Variants in GRIA1 observed in about 807,000 individuals in gnomAD.
The protein encoded by GRIA1 is glutamate ionotropic receptor AMPA type subunit 1.
In GRIA1, 31 loss-of-function variants were observed where a neutral mutation model predicts 99.2. The ratio of observed to expected loss-of-function variants is 0.31; its 90% CI spans 0.23 to 0.42. GRIA1 has a LOEUF of 0.42. GRIA1 is among the 10% of genes least tolerant of loss of function. The probability of loss-of-function intolerance (pLI) is 1.00; values close to 1 mark genes in which losing one functional copy is unlikely to be tolerated. For missense variants in GRIA1, 782 were observed against 1,157.5 expected, an observed-to-expected ratio of 0.68 and a Z score of 4.71; for synonymous variants, 438 against 432.4, an observed-to-expected ratio of 1.01 and a Z score of -0.16.
chr5:153,714,272 A>C (rs1463692116), intron 11 of GRIA1, among the ~76,000 whole-genome samples: 1 of 152,166 alleles, frequency 6.6e-6, no homozygotes, highest in Non-Finnish European at 1.5e-5. Context: ...GAGAGCCCTA[A>C]AAGAATGGTG....
intron 13 of GRIA1, among the ~76,000 whole-genome samples, chr5:153,775,675 A>G (rs1764181352): frequency 6.6e-6 from 1 of 151,962 alleles, no homozygotes; most frequent in South Asian, 2.1e-4. Flanking sequence ...TAAATAATGC[A>G]TCATCAAATA....
rs146547854 is a variant in GRIA1, at chr5:153,703,528, T to C, written c.1453-2169T>C. 5.7e-4 allele frequency among the ~76,000 whole-genome samples: 87 copies of C among 152,250 alleles called. 1 individual carries two copies. In the Middle Eastern group the frequency reaches 0.02, roughly 36 times the overall value. On this transcript the variant is annotated intron_variant, in intron 10 of 15. Transcript: ENST00000285900. Reference sequence around the variant, plus strand: ...GGGAGGCTAAGGCAGGCAGATCACTTGAGGCCAGGAGTTTGAGACCAGCTT... The same window carrying C: ...GGGAGGCTAAGGCAGGCAGATCACTCGAGGCCAGGAGTTTGAGACCAGCTT...
At chr5:153,755,590 G>C (rs1344277555) in intron 11 of GRIA1, 1 of 152,214 alleles carries the variant, frequency 6.6e-6, no homozygotes, top group Admixed American at 6.5e-5. Flanking sequence ...AGTTGGAGCA[G>C]GTCAAAACTC....
chr5:153,615,780 A>G (rs1197760217), intron 2 of GRIA1, among the ~76,000 whole-genome samples: 1 of 152,122 alleles, frequency 6.6e-6, no homozygotes, highest in Non-Finnish European at 1.5e-5. Context: ...AGATGATGGT[A>G]CCCTTCCTCA....
At chr5:153,745,499 G>A (rs1002272971) in intron 11 of GRIA1, among the ~76,000 whole-genome samples, 11 of 147,206 alleles carry the variant, frequency 7.5e-5, no homozygotes, top group Non-Finnish European at 1.6e-4. Flanking sequence ...TGAGGCAGGA[G>A]AATTGCTTGA....
At chr5:153,682,849 C>G (rs1216713954) in intron 7 of GRIA1, among the ~76,000 whole-genome samples, 1 of 152,178 alleles carries the variant, frequency 6.6e-6, no homozygotes, top group African/African-American at 2.4e-5. Flanking sequence ...TTTTCTTTAA[C>G]ACAGCTGAAG....
intron 2 of GRIA1, among the ~76,000 whole-genome samples, chr5:153,559,479 T>C (rs1760933424): frequency 6.6e-6 from 1 of 152,196 alleles, no homozygotes; most frequent in Non-Finnish European, 1.5e-5. Flanking sequence ...TTCAATGTTT[T>C]TGGGGACAAG....
At chr5:153,779,336 T>G (rs1024605679) in intron 13 of GRIA1, among the ~76,000 whole-genome samples, 3 of 152,208 alleles carry the variant, frequency 2.0e-5, no homozygotes, top group African/African-American at 7.2e-5. Flanking sequence ...ACAGCCCACC[T>G]TTGTGCTAAT....
At position 153,765,926 on chromosome 5, in the gene GRIA1, A is replaced by C. The variant is rs1379225464; in HGVS notation, c.2022+1294A>C. The stretch of plus-strand genomic sequence containing the variant: ...TAAGATCACACAGCTAATTAGTAGC[A>C]GAAGGAGCAGAGACAGCACGCTGCC... On this transcript the variant is annotated intron_variant, in intron 12 of 15. Coordinates refer to ENST00000285900, the MANE Select transcript of GRIA1 (RefSeq NM_000827.4). Among the ~76,000 whole-genome samples, 6 of 152,236 alleles carry C rather than the reference A, an allele frequency of 3.9e-5. No individual in the cohort carries two copies. In the South Asian group the frequency reaches 1.2e-3, roughly 32 times the overall value.
intron 2 of GRIA1, among the ~76,000 whole-genome samples, chr5:153,607,912 C>T (rs1209557309): frequency 1.3e-5 from 2 of 151,926 alleles, no homozygotes; most frequent in Admixed American, 1.3e-4. Flanking sequence ...GAATAATTTT[C>T]CTTCTTTGTG....
At chr5:153,526,766 A>T (rs1159498632) in intron 2 of GRIA1, among the ~76,000 whole-genome samples, 1 of 152,242 alleles carries the variant, frequency 6.6e-6, no homozygotes, top group Non-Finnish European at 1.5e-5. Flanking sequence ...GAGGGTGAAT[A>T]TGTGCACAGG....
chr5:153,542,414 G>T (rs1168991961), intron 2 of GRIA1, among the ~76,000 whole-genome samples: 1 of 152,168 alleles, frequency 6.6e-6, no homozygotes, highest in East Asian at 1.9e-4. Context: ...CATGCAAGCA[G>T]GAGTTGCCAC....
chr5:153,621,579 T>C (rs1767055964), intron 2 of GRIA1, among the ~76,000 whole-genome samples: 1 of 152,196 alleles, frequency 6.6e-6, no homozygotes, highest in Admixed American at 6.5e-5. Flanking sequence ...TGGGTCCTAC[T>C]TTACTCTGCT....
chr5:153,559,407 G>T (rs183248233), intron 2 of GRIA1, among the ~76,000 whole-genome samples: 19 of 152,302 alleles, frequency 1.2e-4, no homozygotes, highest in Admixed American at 9.2e-4. Context: ...GTTATCAGAA[G>T]TTCGCTTTCC....
At chr5:153,787,407 C>G (rs868406741) in intron 13 of GRIA1, among the ~76,000 whole-genome samples, 18 of 152,202 alleles carry the variant, frequency 1.2e-4, no homozygotes, top group Admixed American at 5.2e-4. Context: ...ATGTCAGTGA[C>G]TACAGCCTTG....
upstream of GRIA1, chr5:153,490,584 G>C: frequency 2.2e-6 from 1 of 461,518 alleles, no homozygotes; most frequent in East Asian, 4.4e-5. Flanking sequence ...GGGAGGGAGA[G>C]AGAGGCAGGC....
Position 153,812,863 on chromosome 5 carries a change from A to G in GRIA1, c.*1638A>G, listed in dbSNP as rs1766915676. On this transcript the variant is annotated 3_prime_UTR_variant, in exon 16 of 16. Coordinates refer to ENST00000285900, the MANE Select transcript of GRIA1 (RefSeq NM_000827.4). ...CTAGGTGCATGATTCAGTGCGTGCC[A>G]TGTGTCATTAGCTTTTACTGATAAC... 6.6e-6 allele frequency: 1 copy of G among 152,224 alleles called. No homozygotes were observed. Among genetic ancestry groups the G allele is most frequent in the African/African-American group, 2.4e-5 (1 of 41,444 alleles). The allele number at this position is 152,224 out of a possible 1,614,324, so 9.4% of individuals were successfully genotyped here.
intron 2 of GRIA1, among the ~76,000 whole-genome samples, chr5:153,605,652 G>C (rs892151356): frequency 6.6e-6 from 1 of 152,184 alleles, no homozygotes; most frequent in Non-Finnish European, 1.5e-5. Context: ...ACTTGGGATT[G>C]TAAGTCATTT....
Position 153,745,545 on chromosome 5 carries a change from C to T in GRIA1, c.1824-18889C>T, listed in dbSNP as rs185098213. 8.7e-3 allele frequency among the ~76,000 whole-genome samples: 1,235 copies of T among 142,554 alleles called. 7 individuals are homozygous for T. The highest frequency in any genetic ancestry group is 0.015 in the Middle Eastern group (4 of 274). 93.5% of individuals were successfully genotyped at this position (142,554 alleles called of 152,430 possible). The stretch of plus-strand genomic sequence containing the variant: ...CAGAGGTTACAGTGAGCCGAGTTCA[C>T]GCCACTGCACTCCAGCCTGGGCAAC... On this transcript the variant is annotated intron_variant, in intron 11 of 15. Coordinates refer to ENST00000285900, the MANE Select transcript of GRIA1 (RefSeq NM_000827.4).
Sources: gnomAD v4.1 joint callset for allele counts (sites outside exome capture counted in the v4.1 genomes callset) on GRCh38, gnomAD v4.1.1 for gene constraint, MANE v1.5 for transcripts, NCBI Gene and HGNC (gene_info 2026-07-23, HGNC 2026-07-21) for gene names.